The following FOXP1 variants were observed in gnomAD, a reference collection of about 807,000 sequenced individuals.
FOXP1 encodes forkhead box P1.
A neutral mutation model predicts 98.2 loss-of-function variants in FOXP1; 15 were observed. The observed-to-expected ratio is 0.15, with a 90% CI of 0.10 to 0.24. FOXP1 has a LOEUF of 0.24. FOXP1 is among the 10% of genes least tolerant of loss of function. FOXP1 has a pLI of 1.00. For missense variants in FOXP1, 633 were observed against 848.5 expected (o/e 0.75, Z 3.15); for synonymous variants, 371 against 314.5 (o/e 1.18, Z -1.90).
intron 14 of FOXP1, among the ~76,000 whole-genome samples, chr3:70,980,403 A>G (rs2038625772): frequency 6.6e-6 from 1 of 152,204 alleles, no homozygotes; most frequent in South Asian, 2.1e-4. Context: ...ATTTGTAAAA[A>G]TCATGTTTTA....
intron 3 of FOXP1, among the ~76,000 whole-genome samples, chr3:71,434,903 C>T (rs909804542): frequency 4.6e-5 from 7 of 151,944 alleles, no homozygotes; most frequent in African/African-American, 2.4e-5. Context: ...GAGTCCTGAC[C>T]GCCAAACAGT....
chr3:71,228,092 G>A (rs1333244315), intron 5 of FOXP1, among the ~76,000 whole-genome samples: 1 of 152,018 alleles, frequency 6.6e-6, no homozygotes, highest in Non-Finnish European at 1.5e-5. Flanking sequence ...ATTTTGAATT[G>A]ACACATTATT....
At chr3:71,360,461 T>A (rs541691771) in intron 3 of FOXP1, 1 of 152,282 alleles carries the variant, frequency 6.6e-6, no homozygotes, top group South Asian at 2.1e-4. Flanking sequence ...CTTGGTTAGG[T>A]TATTAGTAGA....
chr3:71,131,455 T>C (rs1272813444), intron 6 of FOXP1, among the ~76,000 whole-genome samples: 3 of 151,514 alleles, frequency 2.0e-5, no homozygotes, highest in African/African-American at 4.9e-5. Flanking sequence ...TGAAAATGTA[T>C]TGCTCTTGTG....
At chr3:71,514,552 C>T (rs909140042) in intron 2 of FOXP1, among the ~76,000 whole-genome samples, 8 of 152,228 alleles carry the variant, frequency 5.3e-5, no homozygotes. Flanking sequence ...ATGTACAAAA[C>T]AGGCACTTGG....
chr3:71,339,500 T>C (rs891187976), intron 4 of FOXP1, among the ~76,000 whole-genome samples: 10 of 152,250 alleles, frequency 6.6e-5, no homozygotes, highest in African/African-American at 2.2e-4. Context: ...CTTCAGCGTA[T>C]CAGTGTCTCA....
intron 3 of FOXP1, among the ~76,000 whole-genome samples, chr3:71,481,067 C>T (rs1031444590): frequency 7.9e-5 from 12 of 152,090 alleles, no homozygotes; most frequent in Non-Finnish European, 1.8e-4. Context: ...GATACACATA[C>T]ATATATATAC....
At chr3:71,250,910 G>T (rs7646872) in intron 5 of FOXP1, among the ~76,000 whole-genome samples, 4 of 152,062 alleles carry the variant, frequency 2.6e-5, no homozygotes, top group African/African-American at 9.6e-5. Context: ...CAGCTTGGGT[G>T]ACAGAGTGAG....
intron 4 of FOXP1, among the ~76,000 whole-genome samples, chr3:71,344,293 A>T (rs1023296046): frequency 6.6e-6 from 1 of 152,194 alleles, no homozygotes; most frequent in African/African-American, 2.4e-5. Context: ...TTGAATGGAA[A>T]ACCTTAAGGA....
intron 4 of FOXP1, chr3:71,334,132 GT>G (rs2076523405): frequency 1.3e-5 from 2 of 152,216 alleles, no homozygotes; most frequent in African/African-American, 4.8e-5. Flanking sequence ...CCTGGGTCAG[GT>G]GTGGTGGCTC....
intron 2 of FOXP1, among the ~76,000 whole-genome samples, chr3:71,529,662 C>A (rs987016667): frequency 6.6e-6 from 1 of 152,170 alleles, no homozygotes; most frequent in Admixed American, 6.5e-5. Context: ...GCCTACATAA[C>A]GAAGCCTCCA....
chr3:71,328,015 A>G (rs1389797943), intron 4 of FOXP1, among the ~76,000 whole-genome samples: 2 of 152,208 alleles, frequency 1.3e-5, no homozygotes, highest in African/African-American at 4.8e-5. Flanking sequence ...ACTACACCAG[A>G]AAGTTTATTC....
chr3:71,158,393 A>G (rs973383112), intron 6 of FOXP1, among the ~76,000 whole-genome samples: 1 of 125,140 alleles, frequency 8.0e-6, no homozygotes, highest in African/African-American at 3.4e-5. Flanking sequence ...GCAGAAAGGG[A>G]AAGACAAGTT....
At chr3:70,972,514 A>G in intron 18 of FOXP1, 41 bp downstream of exon 18, 1 of 1,613,888 alleles carries the variant, frequency 6.2e-7, no homozygotes. Flanking sequence ...TTGTTAGCAC[A>G]ATCCAAGCTA....
intron 5 of FOXP1, among the ~76,000 whole-genome samples, chr3:71,217,657 C>G (rs1165298512): frequency 6.6e-6 from 1 of 151,908 alleles, no homozygotes. Flanking sequence ...AAAGAAGTGG[C>G]CAAGCTTGAC....
At chr3:71,211,967 G>A (rs945699288) in intron 5 of FOXP1, among the ~76,000 whole-genome samples, 1 of 152,184 alleles carries the variant, frequency 6.6e-6, no homozygotes, top group African/African-American at 2.4e-5. Context: ...TTGTAGGTGA[G>A]AAAGACTTTT....
At chr3:71,161,327 C>T (rs757656027) in intron 6 of FOXP1, among the ~76,000 whole-genome samples, 7 of 152,150 alleles carry the variant, frequency 4.6e-5, no homozygotes. Context: ...CTCATCTGGG[C>T]CTCCAAGATG....
chr3:71,404,104 T>TTTTTC (rs377427919), intron 3 of FOXP1, among the ~76,000 whole-genome samples: 74,801 of 123,082 alleles, frequency 0.61, 24,384 homozygotes, highest in Non-Finnish European at 0.71. Context: ...TATTGGGGTT[T>TTTTTC]TTTTCTTTTC....
At chr3:71,344,401 G>A (rs1376359280) in intron 4 of FOXP1, among the ~76,000 whole-genome samples, 1 of 152,132 alleles carries the variant, frequency 6.6e-6, no homozygotes, top group African/African-American at 2.4e-5. Context: ...ACTAGTGTCT[G>A]CTGTTTCTAT....
Sources: allele counts gnomAD v4.1 joint callset (sites outside exome capture counted in the v4.1 genomes callset), GRCh38; gene constraint gnomAD v4.1.1; transcripts MANE v1.5; gene names NCBI Gene and HGNC (gene_info 2026-07-23, HGNC 2026-07-21).